The following CLYBL variants were observed in gnomAD, a reference collection of about 807,000 sequenced individuals.
CLYBL encodes citramalyl-CoA lyase, mitochondrial.
A neutral mutation model predicts 38.9 loss-of-function variants in CLYBL; 31 were observed. The observed-to-expected ratio is 0.80, with a 90% CI of 0.60 to 1.08. The LOEUF is 1.08. CLYBL is among the 50% of genes least tolerant of loss of function. The pLI is 0.00. For synonymous variants in CLYBL, 171 were observed against 158.6 expected, an observed-to-expected ratio of 1.08 and a Z score of -0.59; for missense variants, 434 against 411.6, an observed-to-expected ratio of 1.05 and a Z score of -0.47.
intron 2 of CLYBL, among the ~76,000 whole-genome samples, chr13:99,808,927 A>C (rs919385268): frequency 1.3e-5 from 2 of 152,160 alleles, no homozygotes; most frequent in African/African-American, 4.8e-5. Flanking sequence ...GGTTTCTCCC[A>C]TGAGTATGTA....
At chr13:99,619,154 A>G (rs2046757689) in intron 1 of CLYBL, among the ~76,000 whole-genome samples, 2 of 152,184 alleles carry the variant, frequency 1.3e-5, no homozygotes, top group African/African-American at 4.8e-5. Flanking sequence ...CTTAATTCCC[A>G]TTGTGGTGGT....
intron 1 of CLYBL, among the ~76,000 whole-genome samples, chr13:99,699,477 A>G (rs2048028627): frequency 6.6e-6 from 1 of 151,784 alleles, no homozygotes; most frequent in Non-Finnish European, 1.5e-5. Context: ...GCAGATCACG[A>G]GGTCAGGAGT....
chr13:99,649,959 A>T (rs943274968), intron 1 of CLYBL, among the ~76,000 whole-genome samples: 19 of 151,916 alleles, frequency 1.3e-4, no homozygotes, highest in South Asian at 4.2e-4. Flanking sequence ...CCTACAAAAA[A>T]TTTTTTAAAA....
At chr13:99,748,438 T>TG (rs2048893727) in intron 1 of CLYBL, among the ~76,000 whole-genome samples, 1 of 129,910 alleles carries the variant, frequency 7.7e-6, no homozygotes, top group African/African-American at 3.0e-5. Flanking sequence ...TGTTTTTTTT[T>TG]TTTTTTTTTT....
Position 99,904,089 on chromosome 13 carries a change from A to C in CLYBL, c.*25-1181A>C, listed in dbSNP as rs140813199. Among the ~76,000 whole-genome samples the C allele has an allele frequency of 4.2e-4, 64 of 152,210 alleles. 1 individual carries two copies. Among genetic ancestry groups the C allele is most frequent in the African/African-American group, 1.5e-3 (62 of 41,540 alleles). ...AAAAAAACCCCACACCTTTTTAATT[A>C]TAAAAAGCACAGCATTTTGTTGCCA... On this transcript the variant is annotated intron_variant and NMD_transcript_variant, in intron 8 of 9. Coordinates refer to the CLYBL transcript ENST00000689673.
rs569434148 is a variant in CLYBL at position 99,700,772 on chromosome 13, A to C, written c.63-72052A>C. ...GCTGCAGGGAGTGATAAGTAAACAT[A>C]ATGCCTCAAGAATCAACATTTGAAT... On this transcript the variant is annotated intron_variant, in intron 1 of 8. Coordinates refer to ENST00000339105, the MANE Select transcript of CLYBL (RefSeq NM_206808.5). Among the ~76,000 whole-genome samples the C allele has an allele frequency of 3.3e-5, 5 of 152,352 alleles. No homozygotes were observed. In the East Asian group the frequency reaches 9.6e-4, roughly 29 times the overall value.
intron 2 of CLYBL, among the ~76,000 whole-genome samples, chr13:99,823,342 G>A (rs988301736): frequency 6.6e-6 from 1 of 152,136 alleles, no homozygotes; most frequent in Non-Finnish European, 1.5e-5. Context: ...GACTATAGGT[G>A]CAAAAAAGCC....
At chr13:99,843,153 G>A (rs2051124173) in intron 2 of CLYBL, among the ~76,000 whole-genome samples, 1 of 152,184 alleles carries the variant, frequency 6.6e-6, no homozygotes, top group Non-Finnish European at 1.5e-5. Context: ...GAGAGTTGGA[G>A]CCTCATGGTC....
chr13:99,689,093 G>A (rs542960112), intron 1 of CLYBL, among the ~76,000 whole-genome samples: 2 of 152,120 alleles, frequency 1.3e-5, no homozygotes, highest in South Asian at 4.2e-4. Flanking sequence ...CACTCTGGCT[G>A]GAATCTAGGG....
rs2051526534 is a variant in CLYBL at position 99,858,890 on chromosome 13, T to C, written c.279T>C (p.Thr93=). 1 of 1,609,696 alleles carries C rather than the reference T, an allele frequency of 6.2e-7. No individual in the cohort carries two copies. Residue 93 remains threonine, a synonymous_variant, in exon 3 of 9, where the codon ACT becomes ACC. Coordinates refer to ENST00000339105, the MANE Select transcript of CLYBL (RefSeq NM_206808.5). ...KNEARLRIVK[T]LEDIDLGPTE... ...AAGCTCGACTGAGAATTGTAAAAAC[T>C]CTTGAAGACATTGATCTGGGCCCTA...
chr13:99,757,179 C>A (rs1406859655), intron 1 of CLYBL, among the ~76,000 whole-genome samples: 1 of 152,132 alleles, frequency 6.6e-6, no homozygotes, highest in African/African-American at 2.4e-5. Flanking sequence ...GCATTACAGG[C>A]GTGAGCCACC....
intron 1 of CLYBL, among the ~76,000 whole-genome samples, chr13:99,748,735 G>A (rs778493392): frequency 1.3e-5 from 2 of 151,704 alleles, no homozygotes; most frequent in African/African-American, 4.8e-5. Context: ...CACCGCGCAC[G>A]GCCTCTAGTT....
intron 1 of CLYBL, among the ~76,000 whole-genome samples, chr13:99,755,148 C>G (rs552991415): frequency 6.6e-6 from 1 of 152,206 alleles, no homozygotes; most frequent in Non-Finnish European, 1.5e-5. Flanking sequence ...CCGCCCGCCT[C>G]GGCCTCCCAG....
In CLYBL at chr13:99,717,490, C is replaced by T. The variant is rs367768546; in HGVS notation, c.63-55334C>T. ...TTTTTATTTTTTTGAGGCAGGGTCT[C>T]GGTCTGTTGCCTAGGCTGGAGTGCA... On this transcript the variant is annotated intron_variant, in intron 1 of 8. Transcript: ENST00000339105. 3.9e-4 allele frequency among the ~76,000 whole-genome samples: 58 copies of T among 148,944 alleles called. No homozygotes were observed. The South Asian group carries it at 5.9e-3, about 15-fold the overall frequency.
chr13:99,725,233 A>T (rs2048453245), intron 1 of CLYBL, among the ~76,000 whole-genome samples: 1 of 152,190 alleles, frequency 6.6e-6, no homozygotes, highest in Admixed American at 6.5e-5. Context: ...ACAAATCTTG[A>T]TGTAAAAGAA....
At chr13:99,728,090 T>C (rs1287852490) in intron 1 of CLYBL, among the ~76,000 whole-genome samples, 17 of 151,916 alleles carry the variant, frequency 1.1e-4, no homozygotes, top group Admixed American at 9.2e-4. Context: ...AATAAAAATA[T>C]AGACAATATT....
At chr13:99,759,725 C>T (rs2049130622) in intron 1 of CLYBL, among the ~76,000 whole-genome samples, 1 of 152,172 alleles carries the variant, frequency 6.6e-6, no homozygotes, top group South Asian at 2.1e-4. Context: ...TTGTTTTACT[C>T]TTCGGGATGA....
intron 7 of CLYBL, among the ~76,000 whole-genome samples, chr13:99,879,841 ACAGTAGCAATAC>A (rs1257673933): frequency 6.6e-6 from 1 of 152,022 alleles, no homozygotes; most frequent in African/African-American, 2.4e-5. Flanking sequence ...GCCAGCAATA[ACAGTAGCAATAC>A]CAGTAGCAAT....
At chr13:99,788,026 T>C (rs1374641272) in intron 2 of CLYBL, among the ~76,000 whole-genome samples, 2 of 152,248 alleles carry the variant, frequency 1.3e-5, no homozygotes, top group South Asian at 2.1e-4. Context: ...ATAAGAATGC[T>C]TGTGATTTTT....
Sources: allele counts gnomAD v4.1 joint callset (sites outside exome capture counted in the v4.1 genomes callset), GRCh38; gene constraint gnomAD v4.1.1; transcripts MANE v1.5; gene names NCBI Gene and HGNC (gene_info 2026-07-23, HGNC 2026-07-21).